The following TRMU variants were observed in gnomAD, a reference collection of about 807,000 sequenced individuals.
TRMU encodes mitochondrial tRNA-specific 2-thiouridylase 1.
A neutral mutation model predicts 46.9 loss-of-function variants in TRMU; 49 were observed. The ratio of observed to expected loss-of-function variants is 1.05; its 90% confidence interval spans 0.83 to 1.33. The LOEUF (loss-of-function observed/expected upper bound fraction) is 1.33. Ranked by LOEUF, TRMU falls within the 40% of genes most tolerant of loss-of-function variation. TRMU has a pLI of 0.00. For missense variants in TRMU, 572 were observed against 532.4 expected, an observed-to-expected ratio of 1.07 and a Z score of -0.73; for synonymous variants, 241 against 200.9, an observed-to-expected ratio of 1.20 and a Z score of -1.69.
chr22:46,350,088 A>G lies in TRMU; in HGVS notation c.479-203A>G, dbSNP rs190434184. Among the ~76,000 whole-genome samples the G allele has an allele frequency of 6.6e-6, 1 of 151,760 alleles. No homozygotes were observed. The highest frequency in any genetic ancestry group is 2.4e-5 in the African/African-American group (1 of 41,282). Reference sequence around the variant, plus strand: ...GCTGGAATAATTTCTTTGTCATGTAAAATCCTTGTTTTTTTTTTTGGAGGT... The same window carrying G: ...GCTGGAATAATTTCTTTGTCATGTAGAATCCTTGTTTTTTTTTTTGGAGGT... On this transcript the variant is annotated intron_variant, in intron 4 of 10. Coordinates refer to ENST00000645190, the MANE Select transcript of TRMU (RefSeq NM_018006.5). The surrounding 1 kb of genome is among the most constrained non-coding windows in gnomAD (Gnocchi z 4.6).
At position 46,356,177 on chromosome 22, in the gene TRMU, G is replaced by A. The variant is rs567814083; in HGVS notation, c.1101+105G>A. 16 of 1,324,304 alleles carry A rather than the reference G, an allele frequency of 1.2e-5. 1 individual carries two copies. The highest frequency in any genetic ancestry group is 1.4e-5 in the African/African-American group (1 of 69,302). The allele number at this position is 1,324,304 out of a possible 1,614,324, so 82.0% of individuals were successfully genotyped here. Reference sequence around the variant, plus strand: ...GGGCTGAGGCCCAGGAGTAGGGTGTGCTCGGGTCACACAGCTGGTGAGGGC... The same window carrying A: ...GGGCTGAGGCCCAGGAGTAGGGTGTACTCGGGTCACACAGCTGGTGAGGGC... On this transcript the variant is annotated intron_variant, in intron 10 of 10. Transcript: ENST00000645190.
Position 46,351,105 on chromosome 22 carries a change from A to T in TRMU, c.651+642A>T, listed in dbSNP as rs2078408768. ...GAGATGCCAAAAACGGCCTCAAAAG[A>T]AGTCACATGGAACCTGAGACCTGAA... is the stretch of plus-strand genomic sequence containing the variant. On this transcript the variant is annotated intron_variant, in intron 5 of 10. Transcript: ENST00000645190. The surrounding 1 kb of genome is among the most constrained non-coding windows in gnomAD (Gnocchi z 6.4). Among the ~76,000 whole-genome samples, 1 of 151,956 alleles carries T rather than the reference A, an allele frequency of 6.6e-6. No homozygotes were observed. The highest frequency in any genetic ancestry group is 2.1e-4 in the South Asian group (1 of 4,830).
rs2078027252 is a variant in TRMU at position 46,338,055 on chromosome 22, C to T, written c.248+111C>T. ...CCTGTGCTGCAGCCCAGCGCTCTCC[C>T]TCCACGGTGGTGCTGAAGACTGCAA... On this transcript the variant is annotated intron_variant, in intron 2 of 10. Transcript: ENST00000645190. The surrounding 1 kb of genome is among the most constrained non-coding windows in gnomAD (Gnocchi z 4.5). 7 of 1,494,004 alleles carry T rather than the reference C, an allele frequency of 4.7e-6. No homozygotes were observed. The highest frequency in any genetic ancestry group is 6.5e-6 in the Non-Finnish European group (7 of 1,077,782). 92.5% of individuals were successfully genotyped at this position (1,494,004 alleles called of 1,614,324 possible).
chr22:46,338,127 AC>A lies in TRMU; in HGVS notation c.248+187del. 1.4e-6 allele frequency: 1 copy of A among 707,992 alleles called. No homozygotes were observed. The highest frequency in any genetic ancestry group is 2.4e-6 in the Non-Finnish European group (1 of 412,858). The allele number at this position is 707,992 out of a possible 1,614,324, so 43.9% of individuals were successfully genotyped here. On this transcript the variant is annotated intron_variant, in intron 2 of 10. Transcript: ENST00000645190. This position sits in a 1 kb window ranked among gnomAD's most constrained non-coding sequence, Gnocchi z 4.5. ...GCTCTGTGTTAGAGGCGAGGCCTGG[AC>A]CCCACAGCACACCCAGCTCTCTCAC...
chr22:46,355,347 G>T (rs938584036), intron 8 of TRMU, 97 bp from the exon 9 acceptor site: 13 of 1,519,384 alleles, frequency 8.6e-6, no homozygotes, highest in Non-Finnish European at 1.2e-5. Flanking sequence ...CTGTGTGTGT[G>T]TGTGCTGGTA....
chr22:46,353,634 G>GT (rs2078503781), intron 7 of TRMU, 133 bp from the exon 8 acceptor site: 5 of 788,376 alleles, frequency 6.3e-6, no homozygotes, highest in Non-Finnish European at 8.8e-6. Context: ...TTGGAGAATC[G>GT]TATCTTCCTA....
chr22:46,355,374 G>C, intron 8 of TRMU, 70 bp from the exon 9 acceptor site: 2 of 1,585,142 alleles, frequency 1.3e-6, no homozygotes, highest in Non-Finnish European at 1.7e-6. Context: ...TTGTTCCCAG[G>C]GACCACACTG....
chr22:46,348,073 C>T lies in TRMU; in HGVS notation c.478+1529C>T, dbSNP rs1162593058. Among the ~76,000 whole-genome samples the T allele has an allele frequency of 2.0e-5, 3 of 151,640 alleles. No homozygotes were observed. Among genetic ancestry groups the T allele is most frequent in the African/African-American group, 7.3e-5 (3 of 41,312 alleles). ...TTTCAGGAAGACATGGGTTTGAATG[C>T]AGATAAGACAGCCCCCCATTTCAGG... On this transcript the variant is annotated intron_variant, in intron 4 of 10. Coordinates refer to ENST00000645190, the MANE Select transcript of TRMU (RefSeq NM_018006.5). The surrounding 1 kb of genome is among the most constrained non-coding windows in gnomAD (Gnocchi z 4.8).
intron 3 of TRMU, among the ~76,000 whole-genome samples, chr22:46,346,192 C>CT (rs1379236417): frequency 1.3e-4 from 19 of 151,102 alleles, no homozygotes; most frequent in African/African-American, 4.6e-4. Context: ...TGCAATAACA[C>CT]TTTAAGTAGC....
chr22:46,346,646 C>T (rs1050345918), intron 4 of TRMU, 102 bp downstream of exon 4: 2 of 1,381,712 alleles, frequency 1.4e-6, no homozygotes, highest in South Asian at 1.2e-5. Flanking sequence ...CCACCCCTCC[C>T]TCTGTGCTCC....
chr22:46,352,601 G>T (rs566365455), intron 7 of TRMU: 2 of 551,890 alleles, frequency 3.6e-6, no homozygotes, highest in South Asian at 2.1e-5. Context: ...TGTGAGTTAC[G>T]TATCAAGTCC....
chr22:46,351,978 T>G lies in TRMU; in HGVS notation c.652-143T>G, dbSNP rs1601976228. The G allele has an allele frequency of 1.1e-6, 1 of 874,152 alleles. No individual in the cohort carries two copies. The highest frequency in any genetic ancestry group is 1.9e-6 in the Non-Finnish European group (1 of 518,680). The allele number at this position is 874,152 out of a possible 1,614,324, so 54.1% of individuals were successfully genotyped here. On this transcript the variant is annotated intron_variant, in intron 5 of 10. Transcript: ENST00000645190. This position sits in a 1 kb window ranked among gnomAD's most constrained non-coding sequence, Gnocchi z 6.4. ...GCCGGCTGTGACTGGCGGCCGAGGGTGCCGGTGGGCAGCCGGGCCCCTACC... is the reference window on the plus strand; with the variant it reads ...GCCGGCTGTGACTGGCGGCCGAGGGGGCCGGTGGGCAGCCGGGCCCCTACC...
chr22:46,345,790 C>A (rs1444354675), intron 3 of TRMU, among the ~76,000 whole-genome samples: 1 of 149,094 alleles, frequency 6.7e-6, no homozygotes, highest in Non-Finnish European at 1.5e-5. Context: ...CCTCCTGAGA[C>A]AGCATCTTGC....
intron 2 of TRMU, among the ~76,000 whole-genome samples, chr22:46,341,102 C>A (rs527280767): frequency 6.6e-6 from 1 of 152,226 alleles, no homozygotes; most frequent in South Asian, 2.1e-4. Context: ...GTCTCCCTCC[C>A]GAGGCACATG....
chr22:46,352,654 A>G (rs189049825), intron 7 of TRMU: 1 of 430,340 alleles, frequency 2.3e-6, no homozygotes, highest in East Asian at 5.0e-5. Context: ...GAAAATGTTA[A>G]ACTACACAAA....
intron 2 of TRMU, among the ~76,000 whole-genome samples, chr22:46,340,156 C>T (rs538904444): frequency 1.9e-4 from 29 of 152,100 alleles, no homozygotes; most frequent in South Asian, 1.2e-3. Context: ...GGTCTGGGGG[C>T]GGCCCTGGAA....
rs1416739602 is a variant in TRMU at position 46,350,647 on chromosome 22, C to G, written c.651+184C>G. On this transcript the variant is annotated intron_variant, in intron 5 of 10. Coordinates refer to ENST00000645190, the MANE Select transcript of TRMU (RefSeq NM_018006.5). This position sits in a 1 kb window ranked among gnomAD's most constrained non-coding sequence, Gnocchi z 4.6. ...GCACGGTACAGGGCTCTGCTGACAT[C>G]GGGAGCAGCCTATACGAGACTCCTT... Among the ~76,000 whole-genome samples the G allele has an allele frequency of 6.6e-6, 1 of 152,178 alleles. No individual in the cohort carries two copies.
In TRMU at chr22:46,339,571, A is replaced by G. The variant is rs991347252; in HGVS notation, c.248+1627A>G. 2.0e-5 allele frequency among the ~76,000 whole-genome samples: 3 copies of G among 152,334 alleles called. No homozygotes were observed. The highest frequency in any genetic ancestry group is 3.4e-3 in the Middle Eastern group (1 of 294). The stretch of plus-strand genomic sequence containing the variant: ...GATAAAAGACTACACATCGGGTACA[A>G]TGTCCACTGCTTGGGTGACGGGTAC... On this transcript the variant is annotated intron_variant, in intron 2 of 10. Transcript: ENST00000645190. The surrounding 1 kb of genome is among the most constrained non-coding windows in gnomAD (Gnocchi z 4.8).
rs934286157 is a variant in TRMU, at chr22:46,351,535, C to G, written c.652-586C>G. On this transcript the variant is annotated intron_variant, in intron 5 of 10. Coordinates refer to ENST00000645190, the MANE Select transcript of TRMU (RefSeq NM_018006.5). The surrounding 1 kb of genome is among the most constrained non-coding windows in gnomAD (Gnocchi z 6.4). ...CTGAAGAGCACGCCCACCGCCCGTC[C>G]TCCTCTCCTCTTGTTTTCCGTTTCC... 5.2e-6 allele frequency: 1 copy of G among 192,146 alleles called. No homozygotes were observed. Among genetic ancestry groups the G allele is most frequent in the Non-Finnish European group, 1.1e-5 (1 of 91,326 alleles). The allele number at this position is 192,146 out of a possible 1,614,324, so 11.9% of individuals were successfully genotyped here. A position where few individuals can be genotyped will look rare whatever the true frequency, so the allele number is the denominator to read the frequency against.
Sources: gnomAD v4.1 joint callset for allele counts (sites outside exome capture counted in the v4.1 genomes callset) on GRCh38, gnomAD v4.1.1 for gene constraint, Gnocchi (gnomAD v3.1) non-coding constraint, MANE v1.5 for transcripts, NCBI Gene and HGNC (gene_info 2026-07-23, HGNC 2026-07-21) for gene names.